The following KLF8 variants were observed in gnomAD, a reference collection of about 807,000 sequenced individuals.
KLF8 encodes the protein KLF transcription factor 8, also known as Krueppel-like factor 8.
KLF8 carries 10 observed loss-of-function variants against 18.2 expected under a neutral mutation model. That is an observed-to-expected ratio of 0.55 (90% CI 0.34 to 0.93). The LOEUF is 0.93. KLF8 is among the 40% of genes least tolerant of loss of function. KLF8 has a pLI of 0.02. For synonymous variants in KLF8, 109 were observed against 97.3 expected, an observed-to-expected ratio of 1.12 and a Z score of -0.71; for missense variants, 264 against 277.9, an observed-to-expected ratio of 0.95 and a Z score of 0.36.
chrX:56,155,651 G>A, the KLF8 span, among the ~76,000 whole-genome samples: 2 of 111,330 alleles, frequency 1.8e-5, no homozygotes, highest in Admixed American at 1.9e-4. Context: ...AGAAAACATA[G>A]TATCTTTTTT....
At chrX:56,189,743 C>T in the KLF8 span, among the ~76,000 whole-genome samples, 1 of 107,864 alleles carries the variant, frequency 9.3e-6, no homozygotes, top group East Asian at 3.0e-4. Flanking sequence ...AATTGGAAAT[C>T]ATCGTTCTCA....
At chrX:56,048,039 G>A in the KLF8 span, among the ~76,000 whole-genome samples, 1 of 111,994 alleles carries the variant, frequency 8.9e-6, no homozygotes, top group Non-Finnish European at 1.9e-5. Context: ...ATTTTTTCAT[G>A]TGTTTTTTGG....
the KLF8 span, among the ~76,000 whole-genome samples, chrX:56,014,351 A>G: frequency 8.9e-6 from 1 of 112,524 alleles, no homozygotes; most frequent in Non-Finnish European, 1.9e-5. Flanking sequence ...GAACACATAC[A>G]TGTGGCCAAC....
At chrX:56,110,155 G>A in the KLF8 span, among the ~76,000 whole-genome samples, 2 of 111,728 alleles carry the variant, frequency 1.8e-5, no homozygotes, top group Non-Finnish European at 3.8e-5. Flanking sequence ...TGGTGAATAT[G>A]TACCACATTT....
At chrX:56,220,930 A>G in the KLF8 span, among the ~76,000 whole-genome samples, 1 of 112,791 alleles carries the variant, frequency 8.9e-6, no homozygotes, top group Non-Finnish European at 1.9e-5. Context: ...TGTATTATAC[A>G]ATTCTCATGT....
At position 56,284,523 on chromosome X, in the gene KLF8, G is replaced by C. The variant is rs773228180; in HGVS notation, c.*29G>C. ...GCACAGGTCACACTAGAGAAGCTGC[G>C]CTGGTATCTTTCCTGGTCGTGTGCT... On this transcript the variant is annotated 3_prime_UTR_variant, in exon 6 of 6. Coordinates refer to ENST00000468660, the MANE Select transcript of KLF8 (RefSeq NM_007250.5). The C allele has an allele frequency of 2.3e-5, 25 of 1,081,158 alleles. No homozygotes were observed. Among genetic ancestry groups the C allele is most frequent in the Non-Finnish European group, 3.0e-5 (25 of 823,153 alleles). 89.1% of individuals were successfully genotyped at this position (1,081,158 alleles called of 1,213,427 possible). A position where few individuals can be genotyped will look rare whatever the true frequency, so the allele number is the denominator to read the frequency against.
At chrX:56,136,761 A>G in the KLF8 span, among the ~76,000 whole-genome samples, 1 of 110,946 alleles carries the variant, frequency 9.0e-6, no homozygotes, top group Middle Eastern at 4.6e-3. Flanking sequence ...AATGGGATCT[A>G]ATTAAACTAA....
At chrX:56,047,651 A>C in the KLF8 span, among the ~76,000 whole-genome samples, 2 of 111,024 alleles carry the variant, frequency 1.8e-5, no homozygotes, top group African/African-American at 6.6e-5. Flanking sequence ...ACATTTTCTT[A>C]ATCCAGTCTA....
the KLF8 span, among the ~76,000 whole-genome samples, chrX:56,026,721 G>A: frequency 1.8e-5 from 2 of 111,675 alleles, no homozygotes; most frequent in East Asian, 2.8e-4. Context: ...AATCCATAGC[G>A]GCAGTCCAAA....
At chrX:55,944,667 G>A in the KLF8 span, among the ~76,000 whole-genome samples, 11 of 110,855 alleles carry the variant, frequency 9.9e-5, no homozygotes, top group Middle Eastern at 0.014. Flanking sequence ...CTGTGGGTTC[G>A]GTGGTGATAT....
chrX:56,054,084 A>C, the KLF8 span, among the ~76,000 whole-genome samples: 1 of 109,674 alleles, frequency 9.1e-6, no homozygotes, highest in Admixed American at 9.8e-5. Context: ...TCTAGTTGTG[A>C]TGTTAAGTTG....
the KLF8 span, among the ~76,000 whole-genome samples, chrX:55,956,208 CTATCATCT>C: frequency 9.1e-6 from 1 of 109,357 alleles, no homozygotes. Flanking sequence ...ATCTATCTAT[CTATCATCT>C]ATCTATCTGT....
the KLF8 span, among the ~76,000 whole-genome samples, chrX:56,075,391 T>A: frequency 6.3e-5 from 7 of 110,898 alleles, no homozygotes; most frequent in Non-Finnish European, 7.6e-5. Flanking sequence ...TTTTTCTGAG[T>A]ACATAGTAGG....
At chrX:56,103,524 G>T in the KLF8 span, among the ~76,000 whole-genome samples, 3 of 111,267 alleles carry the variant, frequency 2.7e-5, no homozygotes, top group African/African-American at 9.8e-5. Context: ...TCTATTATTG[G>T]TGTATAGGAA....
chrX:56,182,019 T>A, the KLF8 span, among the ~76,000 whole-genome samples: 207 of 111,875 alleles, frequency 1.9e-3, 1 homozygote, highest in African/African-American at 6.5e-3. Flanking sequence ...CCTTGCTAGG[T>A]TGAGGAAGTT....
the KLF8 span, among the ~76,000 whole-genome samples, chrX:55,942,939 G>A: frequency 9.0e-6 from 1 of 111,561 alleles, no homozygotes; most frequent in Non-Finnish European, 1.9e-5. Flanking sequence ...AGCATGTTCT[G>A]TGGATGCCTG....
chrX:56,102,691 T>C, the KLF8 span, among the ~76,000 whole-genome samples: 1 of 111,501 alleles, frequency 9.0e-6, no homozygotes, highest in Non-Finnish European at 1.9e-5. Flanking sequence ...TTACCTGTAT[T>C]TCTCGATATT....
At chrX:56,052,706 G>T in the KLF8 span, among the ~76,000 whole-genome samples, 2 of 112,175 alleles carry the variant, frequency 1.8e-5, no homozygotes, top group African/African-American at 6.5e-5. Flanking sequence ...CTGCAGAGGT[G>T]ACTGCTGTCT....
the KLF8 span, among the ~76,000 whole-genome samples, chrX:56,189,073 G>C: frequency 1.8e-5 from 2 of 111,596 alleles, no homozygotes; most frequent in African/African-American, 6.5e-5. Flanking sequence ...TACCATCAGA[G>C]TGAACAGGCA....
Sources: allele counts gnomAD v4.1 joint callset (sites outside exome capture counted in the v4.1 genomes callset), GRCh38; gene constraint gnomAD v4.1.1; transcripts MANE v1.5; gene names NCBI Gene and HGNC (gene_info 2026-07-23, HGNC 2026-07-21).